SENP7: variants seen among roughly 807,000 people sequenced by gnomAD.
SENP7 encodes SUMO specific peptidase 7, also known as sentrin-specific protease 7.
In SENP7, 64 loss-of-function variants were observed where a neutral mutation model predicts 141.2. The ratio of observed to expected loss-of-function variants is 0.45; its 90% CI spans 0.37 to 0.56. The LOEUF is 0.56. SENP7 is among the 20% of genes least tolerant of loss of function. The pLI is 0.00. For missense variants in SENP7, 1,025 were observed against 1,212.2 expected, an observed-to-expected ratio of 0.85 and a Z score of 2.29; for synonymous variants, 382 against 426.4, an observed-to-expected ratio of 0.90 and a Z score of 1.28.
At chr3:101,383,803 G>A (rs1268670503) in intron 6 of SENP7, among the ~76,000 whole-genome samples, 1 of 152,224 alleles carries the variant, frequency 6.6e-6, no homozygotes, top group African/African-American at 2.4e-5. Context: ...ACTGGGGATA[G>A]GAGGTTGATG....
At chr3:101,344,953 G>A (rs960057662) in intron 13 of SENP7, among the ~76,000 whole-genome samples, 1 of 127,268 alleles carries the variant, frequency 7.9e-6, no homozygotes, top group Non-Finnish European at 1.6e-5. Flanking sequence ...ACCAGCCTGA[G>A]GAACATATCG....
intron 3 of SENP7, among the ~76,000 whole-genome samples, chr3:101,463,381 A>ATATATGTG (rs2063637131): frequency 1.3e-5 from 1 of 79,302 alleles, no homozygotes; most frequent in African/African-American, 5.7e-5. Context: ...ATATATATAT[A>ATATATGTG]TATATATATA....
intron 2 of SENP7, among the ~76,000 whole-genome samples, chr3:101,500,372 T>C (rs1183920654): frequency 2.6e-5 from 4 of 151,740 alleles, no homozygotes; most frequent in African/African-American, 7.3e-5. Context: ...CTGGGCAACA[T>C]AGCAAGACCC....
intron 6 of SENP7, among the ~76,000 whole-genome samples, chr3:101,380,664 A>AG (rs1485933818): frequency 1.5e-3 from 222 of 151,868 alleles, no homozygotes; most frequent in Non-Finnish European, 2.3e-3. Flanking sequence ...ACAAGAAAGG[A>AG]AAAAAAGTCA....
At chr3:101,438,835 C>A (rs941691200) in intron 4 of SENP7, among the ~76,000 whole-genome samples, 1 of 152,014 alleles carries the variant, frequency 6.6e-6, no homozygotes, top group Non-Finnish European at 1.5e-5. Flanking sequence ...CGCCGGCGAG[C>A]GCCGCCCGGG....
chr3:101,419,230 C>G (rs941215520), intron 4 of SENP7, among the ~76,000 whole-genome samples: 6 of 152,202 alleles, frequency 3.9e-5, no homozygotes, highest in African/African-American at 1.4e-4. Flanking sequence ...AATTAAAGGA[C>G]TTACCTGACT....
intron 4 of SENP7, among the ~76,000 whole-genome samples, chr3:101,418,321 CA>C (rs75626706): frequency 3.2e-3 from 450 of 138,978 alleles, no homozygotes; most frequent in Middle Eastern, 3.7e-3. Flanking sequence ...ATACCAATTT[CA>C]AAAAAAAAAA....
At chr3:101,429,185 G>A (rs1368278309) in intron 4 of SENP7, among the ~76,000 whole-genome samples, 1 of 148,538 alleles carries the variant, frequency 6.7e-6, no homozygotes, top group Non-Finnish European at 1.5e-5. Flanking sequence ...CTCTTTTTTG[G>A]TTCCATACGA....
intron 9 of SENP7, among the ~76,000 whole-genome samples, chr3:101,366,134 C>T (rs568992863): frequency 4.9e-4 from 75 of 152,296 alleles, no homozygotes; most frequent in African/African-American, 1.7e-3. Context: ...AACCAAATGA[C>T]AGTAATGATG....
chr3:101,471,182 C>T lies in SENP7; in HGVS notation c.187-12130G>A, dbSNP rs898239901. On this transcript the variant is annotated intron_variant, in intron 3 of 23. Coordinates refer to ENST00000394095, the MANE Select transcript of SENP7 (RefSeq NM_020654.5). ...AGTTCATACGGAACCAAAAAAGAGC[C>T]CACATTGCCAAGACAATCCTAAGCA... 5.3e-5 allele frequency among the ~76,000 whole-genome samples: 8 copies of T among 152,230 alleles called. No individual in the cohort carries two copies. The East Asian group carries it at 7.7e-4, about 15-fold the overall frequency.
intron 3 of SENP7, among the ~76,000 whole-genome samples, chr3:101,484,708 A>C (rs191970785): frequency 6.6e-6 from 1 of 152,310 alleles, no homozygotes; most frequent in East Asian, 1.9e-4. Flanking sequence ...GGGTAGAGGA[A>C]GCAGCAAAAA....
intron 5 of SENP7, among the ~76,000 whole-genome samples, chr3:101,411,708 T>A (rs914370411): frequency 2.0e-5 from 3 of 152,244 alleles, no homozygotes; most frequent in African/African-American, 7.2e-5. Context: ...TACTTCATCT[T>A]TCATACTATC....
intron 4 of SENP7, 22 bp downstream of exon 4, chr3:101,458,933 G>A (rs766802122): frequency 7.1e-7 from 1 of 1,409,604 alleles, no homozygotes; most frequent in Non-Finnish European, 9.9e-7. Flanking sequence ...CCCATACTAT[G>A]TCGCACACAC....
intron 10 of SENP7, among the ~76,000 whole-genome samples, chr3:101,362,111 T>C (rs1162761933): frequency 1.3e-5 from 2 of 152,212 alleles, no homozygotes; most frequent in Non-Finnish European, 2.9e-5. Context: ...CAGAAATATA[T>C]ACTCCTCTGT....
In SENP7 at chr3:101,330,375, G is replaced by A. The variant is rs199931734; in HGVS notation, c.2710C>T (p.Arg904Cys). 56 of 1,604,908 alleles carry A rather than the reference G, an allele frequency of 3.5e-5. No homozygotes were observed. The highest frequency in any genetic ancestry group is 2.3e-4 in the Admixed American group (14 of 59,776). ...NDNKTIDNDL[R>C]TTSTLSLSAE... is the part of the protein sequence containing the mutation. Reference sequence around the variant, plus strand: ...CTCAAAGACAGTGTCGAAGTAGTACGTAGATCATTATCTAGTTAGAAATAA... The same window carrying A: ...CTCAAAGACAGTGTCGAAGTAGTACATAGATCATTATCTAGTTAGAAATAA... Residue 904 changes from arginine to cysteine, a missense_variant, in exon 20 of 24, where the codon CGT becomes TGT. Coordinates refer to ENST00000394095, the MANE Select transcript of SENP7 (RefSeq NM_020654.5).
chr3:101,467,364 A>G (rs1469299611), intron 3 of SENP7, among the ~76,000 whole-genome samples: 1 of 152,270 alleles, frequency 6.6e-6, no homozygotes, highest in African/African-American at 2.4e-5. Context: ...CTTTGAGAAC[A>G]GACAGACTGC....
chr3:101,465,344 G>A (rs1464193669), intron 3 of SENP7, among the ~76,000 whole-genome samples: 1 of 152,122 alleles, frequency 6.6e-6, no homozygotes, highest in Middle Eastern at 3.2e-3. Context: ...AGAGGTCTGG[G>A]GATTGGCTCA....
At chr3:101,488,361 CAG>C (rs1449975157) in intron 3 of SENP7, among the ~76,000 whole-genome samples, 1 of 152,182 alleles carries the variant, frequency 6.6e-6, no homozygotes, top group Admixed American at 6.5e-5. Context: ...AACTCTTCAT[CAG>C]AGTCTTCAGA....
At chr3:101,407,552 A>T (rs968022101) in intron 5 of SENP7, among the ~76,000 whole-genome samples, 6 of 152,234 alleles carry the variant, frequency 3.9e-5, no homozygotes, top group Non-Finnish European at 8.8e-5. Context: ...ACAAGCCTCA[A>T]TAAATTTGAG....
Sources: allele counts gnomAD v4.1 joint callset (sites outside exome capture counted in the v4.1 genomes callset), GRCh38; gene constraint gnomAD v4.1.1; transcripts MANE v1.5; gene names NCBI Gene and HGNC (gene_info 2026-07-23, HGNC 2026-07-21).